Variants in TEKT5 observed in about 807,000 individuals in gnomAD.
The protein encoded by TEKT5 is tektin 5.
In TEKT5, 52 loss-of-function variants were observed where a neutral mutation model predicts 48.7. The ratio of observed to expected loss-of-function variants is 1.07; its 90% CI spans 0.86 to 1.35. The LOEUF is 1.35. TEKT5 is among the 40% of genes most tolerant of loss of function. TEKT5 has a pLI of 0.00. For missense variants in TEKT5, 831 were observed against 641.6 expected (o/e 1.30, Z -3.19); for synonymous variants, 318 against 267.6 (o/e 1.19, Z -1.84).
chr16:10,690,547 A>G, intron 1 of TEKT5: 1 of 983,292 alleles, frequency 1.0e-6, no homozygotes, highest in African/African-American at 1.7e-5. Context: ...GTGCAGGTGA[A>G]GTCGGCTTGA....
intron 5 of TEKT5, among the ~76,000 whole-genome samples, chr16:10,653,037 C>T (rs1028176634): frequency 6.6e-6 from 1 of 152,230 alleles, no homozygotes; most frequent in African/African-American, 2.4e-5. Context: ...AGGGGCTTCC[C>T]CAGAGTCCCC....
chr16:10,655,446 G>C (rs187902478), intron 5 of TEKT5, among the ~76,000 whole-genome samples: 5 of 152,018 alleles, frequency 3.3e-5, no homozygotes, highest in African/African-American at 9.7e-5. Flanking sequence ...TATTTTTAAG[G>C]CCTGCCATAT....
rs2541494 is a variant in TEKT5 at position 10,686,517 on chromosome 16, G to C, written c.719+2736C>G. ...AACACCTGAAACTGTAAAACTACTAGAAGAAAACATAGGGGAAAAGTTCCA... is the reference window on the plus strand; with the variant it reads ...AACACCTGAAACTGTAAAACTACTACAAGAAAACATAGGGGAAAAGTTCCA... On this transcript the variant is annotated intron_variant, in intron 3 of 6. Transcript: ENST00000283025. Among the ~76,000 whole-genome samples, 278 of 151,440 alleles carry C rather than the reference G, an allele frequency of 1.8e-3. 1 individual carries two copies. The highest frequency in any genetic ancestry group is 6.5e-3 in the African/African-American group (268 of 41,342).
chr16:10,689,108 G>A, intron 3 of TEKT5, 145 bp downstream of exon 3: 1 of 578,178 alleles, frequency 1.7e-6, no homozygotes, highest in Non-Finnish European at 3.0e-6. Flanking sequence ...TTCCTAGAAG[G>A]CTGGTTGTTG....
At chr16:10,639,116 C>G (rs116231354) in intron 5 of TEKT5, among the ~76,000 whole-genome samples, 3,258 of 151,826 alleles carry the variant, frequency 0.021, 122 homozygotes, top group African/African-American at 0.076. Context: ...ACCAGCCTGG[C>G]CAACAGAGCA....
intron 5 of TEKT5, among the ~76,000 whole-genome samples, chr16:10,660,352 G>C (rs983329220): frequency 2.0e-5 from 3 of 152,060 alleles, no homozygotes; most frequent in African/African-American, 7.3e-5. Flanking sequence ...CTGACCAAAG[G>C]GTTTCATGTT....
chr16:10,647,321 A>G (rs1898085402), intron 5 of TEKT5, among the ~76,000 whole-genome samples: 1 of 151,802 alleles, frequency 6.6e-6, no homozygotes, highest in South Asian at 2.1e-4. Flanking sequence ...TTTAAAAAAA[A>G]ATAAGCCGGG....
intron 6 of TEKT5, among the ~76,000 whole-genome samples, chr16:10,633,060 C>G (rs1187226679): frequency 6.6e-6 from 1 of 152,200 alleles, no homozygotes; most frequent in Non-Finnish European, 1.5e-5. Flanking sequence ...AAGCCCTGTT[C>G]TGTAGAAGTC....
At chr16:10,649,924 C>T (rs971894524) in intron 5 of TEKT5, among the ~76,000 whole-genome samples, 3 of 152,238 alleles carry the variant, frequency 2.0e-5, no homozygotes, top group African/African-American at 7.2e-5. Context: ...CCTGCTCCTA[C>T]GGAGCCTGTT....
intron 5 of TEKT5, among the ~76,000 whole-genome samples, chr16:10,638,910 G>A (rs74953782): frequency 0.023 from 3,434 of 152,302 alleles, 132 homozygotes; most frequent in African/African-American, 0.079. Context: ...AGTGATGGGG[G>A]TAATTAATTC....
intron 6 of TEKT5, among the ~76,000 whole-genome samples, chr16:10,633,450 G>A (rs900861819): frequency 1.3e-5 from 2 of 152,220 alleles, no homozygotes; most frequent in African/African-American, 4.8e-5. Context: ...GAAGAAGCAG[G>A]GGCAGAGGGA....
rs149528011 is a variant in TEKT5 at position 10,675,163 on chromosome 16, G to A, written c.1086+796C>T. On this transcript the variant is annotated intron_variant, in intron 5 of 6. Transcript: ENST00000283025. ...ACTGTTCTGCAAACACAAATTCAAG[G>A]CTAGTTCCCTCTGACTTGACTATCA... 4.6e-5 allele frequency among the ~76,000 whole-genome samples: 7 copies of A among 152,196 alleles called. No individual in the cohort carries two copies. The East Asian group carries it at 1.2e-3, about 25-fold the overall frequency.
intron 1 of TEKT5, among the ~76,000 whole-genome samples, chr16:10,692,453 A>G (rs1898996472): frequency 6.6e-6 from 1 of 152,152 alleles, no homozygotes; most frequent in Non-Finnish European, 1.5e-5. Context: ...AGAGGTCCTG[A>G]GTTCCCCACA....
rs190020169 is a variant in TEKT5, at chr16:10,675,962, C to T, written c.1083G>A (p.Ala361=). The T allele has an allele frequency of 5.6e-6, 9 of 1,614,026 alleles. No individual in the cohort carries two copies. Among genetic ancestry groups the T allele is most frequent in the Admixed American group, 3.3e-5 (2 of 60,020 alleles). ...DVKNKLQTQL[A]KTLQEIFQAE... Reference sequence around the variant, plus strand: ...GGTCCTGGGAGGATCTGCTCACCTTCGCCAGCTGCGTCTGCAGCTTATTCT... The same window carrying T: ...GGTCCTGGGAGGATCTGCTCACCTTTGCCAGCTGCGTCTGCAGCTTATTCT... The change falls in exon 5 of 7, where the codon GCG becomes GCA. Residue 361 remains alanine (A), a synonymous_variant. Coordinates refer to ENST00000283025, the MANE Select transcript of TEKT5 (RefSeq NM_144674.2).
intron 5 of TEKT5, among the ~76,000 whole-genome samples, chr16:10,658,615 AG>A (rs1898304136): frequency 6.6e-6 from 1 of 151,904 alleles, no homozygotes; most frequent in East Asian, 1.9e-4. Flanking sequence ...AGGTGGTATG[AG>A]GGGGGCTCCT....
chr16:10,641,947 G>A (rs1198147426), intron 5 of TEKT5, among the ~76,000 whole-genome samples: 3 of 152,244 alleles, frequency 2.0e-5, no homozygotes, highest in South Asian at 2.1e-4. Context: ...CGCAGAGAGC[G>A]ACAAGCTCTG....
Position 10,652,309 on chromosome 16 carries a change from C to T in TEKT5, c.1087-16391G>A, listed in dbSNP as rs117407982. On this transcript the variant is annotated intron_variant, in intron 5 of 6. Coordinates refer to ENST00000283025, the MANE Select transcript of TEKT5 (RefSeq NM_144674.2). The stretch of plus-strand genomic sequence containing the variant: ...CTTCCCACAGTTCATGCTTTTCTCC[C>T]ACACACTCTGAAAAATGCCAAAGGA... 4.1e-3 allele frequency among the ~76,000 whole-genome samples: 628 copies of T among 152,200 alleles called. 4 individuals carry two copies. Among genetic ancestry groups the T allele is most frequent in the Non-Finnish European group, 5.0e-3 (339 of 68,010 alleles).
At chr16:10,631,343 G>T (rs1897838170) in intron 6 of TEKT5, among the ~76,000 whole-genome samples, 1 of 140,612 alleles carries the variant, frequency 7.1e-6, no homozygotes, top group Non-Finnish European at 1.5e-5. Context: ...GCTGTGGGAA[G>T]CCATGGGGTG....
chr16:10,685,368 T>A (rs1319846196), intron 3 of TEKT5, among the ~76,000 whole-genome samples: 1 of 152,168 alleles, frequency 6.6e-6, no homozygotes, highest in Non-Finnish European at 1.5e-5. Flanking sequence ...GGCACGATCT[T>A]GGCTCACTAC....
Sources: allele counts gnomAD v4.1 joint callset (sites outside exome capture counted in the v4.1 genomes callset), GRCh38; gene constraint gnomAD v4.1.1; transcripts MANE v1.5; gene names NCBI Gene and HGNC (gene_info 2026-07-23, HGNC 2026-07-21).